The following TENM3 variants were observed in gnomAD, a reference collection of about 807,000 sequenced individuals.
The protein encoded by TENM3 is teneurin transmembrane protein 3.
In TENM3, 63 loss-of-function variants were observed where a neutral mutation model predicts 255.1. That is an observed-to-expected ratio of 0.25 (90% CI 0.20 to 0.30). The LOEUF is 0.30. TENM3 is among the 10% of genes least tolerant of loss of function. The pLI is 1.00. For missense variants in TENM3, 2,929 were observed against 3,461.1 expected (o/e 0.85, Z 3.86); for synonymous variants, 1,306 against 1,322.3 (o/e 0.99, Z 0.27).
At chr4:182,467,454 G>A (rs1732702409) in intron 3 of TENM3, among the ~76,000 whole-genome samples, 4 of 152,094 alleles carry the variant, frequency 2.6e-5, no homozygotes, top group Admixed American at 6.6e-5. Flanking sequence ...ATAAACACAT[G>A]ACGTATTTAT....
At chr4:182,769,121 A>C (rs1057308679) in intron 22 of TENM3, among the ~76,000 whole-genome samples, 13 of 152,338 alleles carry the variant, frequency 8.5e-5, no homozygotes, top group Non-Finnish European at 1.5e-4. Flanking sequence ...CAAATAAGCA[A>C]GAGAATCTGA....
chr4:182,360,613 G>C (rs1258270646), intron 3 of TENM3, among the ~76,000 whole-genome samples: 1 of 152,130 alleles, frequency 6.6e-6, no homozygotes, highest in Non-Finnish European at 1.5e-5. Context: ...GGCTATGTGT[G>C]TCTCTGCATG....
chr4:181,901,940 T>C, the TENM3 span, among the ~76,000 whole-genome samples: 1 of 152,066 alleles, frequency 6.6e-6, no homozygotes, highest in Non-Finnish European at 1.5e-5. Context: ...TCTTCTGTAA[T>C]GGGAATTTTC....
At chr4:182,509,530 A>G (rs2309733) in intron 3 of TENM3, among the ~76,000 whole-genome samples, 24,656 of 152,158 alleles carry the variant, frequency 0.16, 3,131 homozygotes, top group African/African-American at 0.35. Context: ...ATAGAATTTT[A>G]CTTTCACATA....
intron 3 of TENM3, among the ~76,000 whole-genome samples, chr4:182,406,155 A>G (rs1326960636): frequency 1.3e-5 from 2 of 151,954 alleles, no homozygotes; most frequent in Non-Finnish European, 2.9e-5. Flanking sequence ...AAAATCCAAA[A>G]CTAGCTGCAT....
At position 182,497,878 on chromosome 4, in the gene TENM3, A is replaced by T. The variant is rs866040909; in HGVS notation, c.512-103046A>T. ...TATATATATATATATATATATATAT[A>T]TATATCTCAACCTAGATGTATATAG... On this transcript the variant is annotated intron_variant, in intron 3 of 27. Coordinates refer to ENST00000511685, the MANE Select transcript of TENM3 (RefSeq NM_001080477.4). Among the ~76,000 whole-genome samples, 10 of 143,056 alleles carry T rather than the reference A, an allele frequency of 7.0e-5. 1 individual carries two copies. Among genetic ancestry groups the T allele is most frequent in the African/African-American group, 2.4e-4 (9 of 37,230 alleles). The allele number at this position is 143,056 out of a possible 152,430, so 93.9% of individuals were successfully genotyped here.
chr4:182,424,466 T>C (rs1263976876), intron 3 of TENM3, among the ~76,000 whole-genome samples: 1 of 151,748 alleles, frequency 6.6e-6, no homozygotes, highest in Non-Finnish European at 1.5e-5. Flanking sequence ...TTTTACACTT[T>C]TTTTTTTCAT....
At chr4:182,376,887 G>T (rs747791165) in intron 3 of TENM3, among the ~76,000 whole-genome samples, 3 of 152,106 alleles carry the variant, frequency 2.0e-5, no homozygotes, top group South Asian at 2.1e-4. Context: ...AATAACAATT[G>T]AAAATGCTAG....
intron 3 of TENM3, among the ~76,000 whole-genome samples, chr4:182,351,831 C>CTT (rs1561353681): frequency 2.0e-5 from 3 of 151,904 alleles, no homozygotes; most frequent in Non-Finnish European, 2.9e-5. Flanking sequence ...CGTTGTAAAA[C>CTT]AGGGACAGCA....
the TENM3 span, among the ~76,000 whole-genome samples, chr4:182,060,021 T>A: frequency 6.6e-6 from 1 of 152,086 alleles, no homozygotes; most frequent in Non-Finnish European, 1.5e-5. Flanking sequence ...GGTGGGAGGA[T>A]TGTTTAAGCC....
chr4:182,770,437 C>G (rs1309633198), intron 22 of TENM3, among the ~76,000 whole-genome samples: 1 of 152,184 alleles, frequency 6.6e-6, no homozygotes, highest in Admixed American at 6.5e-5. Flanking sequence ...CGGGCCCCTG[C>G]ACCCCGACAC....
At chr4:182,599,985 G>A (rs1055085520) in intron 3 of TENM3, among the ~76,000 whole-genome samples, 1 of 152,098 alleles carries the variant, frequency 6.6e-6, no homozygotes, top group Non-Finnish European at 1.5e-5. Flanking sequence ...GGTCTCAGAT[G>A]TTACATTAAT....
chr4:182,749,264 A>G (rs1473060410), intron 19 of TENM3, among the ~76,000 whole-genome samples: 1 of 152,164 alleles, frequency 6.6e-6, no homozygotes, highest in Non-Finnish European at 1.5e-5. Context: ...TCATTATTTT[A>G]ATAGTTTAGG....
chr4:182,447,147 C>T (rs1423224311), intron 3 of TENM3, among the ~76,000 whole-genome samples: 1 of 151,934 alleles, frequency 6.6e-6, no homozygotes, highest in African/African-American at 2.4e-5. Flanking sequence ...TCTATGATAT[C>T]TTCATAGTGT....
chr4:182,075,433 A>T, the TENM3 span, among the ~76,000 whole-genome samples: 873 of 151,998 alleles, frequency 5.7e-3, 8 homozygotes, highest in South Asian at 0.026. Context: ...CTCCTGACCT[A>T]GTGATCCACC....
the TENM3 span, among the ~76,000 whole-genome samples, chr4:181,467,101 GTGTA>G: frequency 7.0e-5 from 5 of 71,224 alleles, no homozygotes; most frequent in South Asian, 3.9e-4. Flanking sequence ...GTGTGTGTGT[GTGTA>G]TATATATATA....
At chr4:181,672,599 C>T in the TENM3 span, among the ~76,000 whole-genome samples, 4 of 152,148 alleles carry the variant, frequency 2.6e-5, no homozygotes, top group Non-Finnish European at 5.9e-5. Flanking sequence ...TAAAAGAGTA[C>T]TCAGATTAAA....
intron 24 of TENM3, among the ~76,000 whole-genome samples, chr4:182,775,762 A>G (rs1310171611): frequency 2.6e-5 from 4 of 152,280 alleles, no homozygotes; most frequent in East Asian, 3.9e-4. Flanking sequence ...CTGCATACCA[A>G]AGACACAGCA....
chr4:181,578,986 A>G, the TENM3 span, among the ~76,000 whole-genome samples: 2 of 152,170 alleles, frequency 1.3e-5, no homozygotes, highest in Non-Finnish European at 2.9e-5. Context: ...GCCTCTGCAC[A>G]TAGCCAGCTT....
Sources: allele counts gnomAD v4.1 joint callset (sites outside exome capture counted in the v4.1 genomes callset), GRCh38; gene constraint gnomAD v4.1.1; transcripts MANE v1.5; gene names NCBI Gene and HGNC (gene_info 2026-07-23, HGNC 2026-07-21).